The following PIP5K1C variants were observed in gnomAD, a reference collection of about 807,000 sequenced individuals.
PIP5K1C encodes the protein phosphatidylinositol-4-phosphate 5-kinase type 1 gamma, also known as phosphatidylinositol 4-phosphate 5-kinase type-1 gamma.
In PIP5K1C, 45 loss-of-function variants were observed where a neutral mutation model predicts 80.1. The observed-to-expected ratio is 0.56, with a 90% CI of 0.44 to 0.72. The LOEUF (loss-of-function observed/expected upper bound fraction) is 0.72, where lower values mean the gene tolerates loss of function less well. Among genes scored for constraint, PIP5K1C ranks in the 30% least tolerant of loss-of-function variants. PIP5K1C has a pLI of 0.00. For synonymous variants in PIP5K1C, 498 were observed against 420.1 expected (o/e 1.19, Z -2.27); for missense variants, 753 against 954.6 (o/e 0.79, Z 2.78).
rs758064326 is a variant in PIP5K1C at position 3,633,467 on chromosome 19, G to T, written c.1974C>A (p.Ala658=). ...CGCTCTCGCCGTCGGAGGCCGGGGGGGCCTGGGCGCTATAGTGGAGCGGGG... is the reference window on the plus strand; with the variant it reads ...CGCTCTCGCCGTCGGAGGCCGGGGGTGCCTGGGCGCTATAGTGGAGCGGGG... ...VYSPLHYSAQ[A]PPASDGESDT Residue 658 remains alanine (A), a synonymous_variant, in exon 17 of 18, where the codon GCC becomes GCA. Coordinates refer to ENST00000335312, the MANE Select transcript of PIP5K1C (RefSeq NM_012398.3). The T allele has an allele frequency of 2.6e-6, 4 of 1,510,216 alleles. No homozygotes were observed. Among genetic ancestry groups the T allele is most frequent in the South Asian group, 1.3e-5 (1 of 74,164 alleles). The allele number at this position is 1,510,216 out of a possible 1,614,324, so 93.6% of individuals were successfully genotyped here. A position where few individuals can be genotyped will look rare whatever the true frequency, so the allele number is the denominator to read the frequency against.
chr19:3,664,645 G>A (rs1232023265), intron 3 of PIP5K1C, among the ~76,000 whole-genome samples, 177 bp downstream of exon 3: 4 of 152,250 alleles, frequency 2.6e-5, no homozygotes, highest in Non-Finnish European at 4.4e-5. Context: ...ACAGCAAACA[G>A]TGGGGCCTCA....
chr19:3,675,675 T>C (rs2035335316), intron 1 of PIP5K1C, among the ~76,000 whole-genome samples: 1 of 152,152 alleles, frequency 6.6e-6, no homozygotes, highest in African/African-American at 2.4e-5. Flanking sequence ...TGTACCCACA[T>C]GCAAACGGCT....
intron 13 of PIP5K1C, 129 bp downstream of exon 13, chr19:3,643,114 A>T: frequency 6.7e-7 from 1 of 1,493,494 alleles, no homozygotes; most frequent in Non-Finnish European, 9.2e-7. Flanking sequence ...CATGCAGTGT[A>T]TGTACATCCA....
chr19:3,641,576 G>A, intron 15 of PIP5K1C, 129 bp downstream of exon 15: 4 of 729,806 alleles, frequency 5.5e-6, no homozygotes, highest in Non-Finnish European at 7.3e-6. Flanking sequence ...AAACTTATGG[G>A]AAAATCCACC....
In PIP5K1C at chr19:3,688,190, A is replaced by G. The variant is rs2035830153; in HGVS notation, c.94+12107T>C. Among the ~76,000 whole-genome samples, 2 of 152,180 alleles carry G rather than the reference A, an allele frequency of 1.3e-5. No homozygotes were observed. Among genetic ancestry groups the G allele is most frequent in the African/African-American group, 4.8e-5 (2 of 41,436 alleles). Reference sequence around the variant, plus strand: ...CCACCTCCTTGCGCGCTCCGTCTCCAGCACAGCAGAGGTGGACGCCCCTCG... The same window carrying G: ...CCACCTCCTTGCGCGCTCCGTCTCCGGCACAGCAGAGGTGGACGCCCCTCG... On this transcript the variant is annotated intron_variant, in intron 1 of 17. Transcript: ENST00000335312. The surrounding 1 kb of genome is among the most constrained non-coding windows in gnomAD (Gnocchi z 5.3).
intron 1 of PIP5K1C, among the ~76,000 whole-genome samples, chr19:3,678,583 G>C (rs2035483425): frequency 1.2e-5 from 1 of 86,716 alleles, no homozygotes; most frequent in Non-Finnish European, 2.4e-5. Context: ...GGGATGGAGG[G>C]ATAAAGGGAT....
intron 16 of PIP5K1C, among the ~76,000 whole-genome samples, chr19:3,634,450 C>A (rs1041249182): frequency 6.6e-6 from 1 of 152,192 alleles, no homozygotes; most frequent in Non-Finnish European, 1.5e-5. Flanking sequence ...AGATGACCTG[C>A]GAATTTCCAC....
Position 3,648,767 on chromosome 19 carries a change from C to T in PIP5K1C, c.1128-59G>A, listed in dbSNP as rs1419722379. ...CCGCAGAGCTGGGACTCGGGGCAGG[C>T]GGGGCTGGGGACTCCAGGGCTAGGG... On this transcript the variant is annotated intron_variant, in intron 8 of 17. Transcript: ENST00000335312. This position sits in a 1 kb window ranked among gnomAD's most constrained non-coding sequence, Gnocchi z 4.3. The T allele has an allele frequency of 1.5e-5, 22 of 1,481,492 alleles. No individual in the cohort carries two copies. The African/African-American group carries it at 2.4e-4, about 16-fold the overall frequency. 91.8% of individuals were successfully genotyped at this position (1,481,492 alleles called of 1,614,324 possible).
rs1417837256 is a variant in PIP5K1C at position 3,692,211 on chromosome 19, C to A, written c.94+8086G>T. Among the ~76,000 whole-genome samples, 1 of 152,166 alleles carries A rather than the reference C, an allele frequency of 6.6e-6. No individual in the cohort carries two copies. Among genetic ancestry groups the A allele is most frequent in the Non-Finnish European group, 1.5e-5 (1 of 68,026 alleles). On this transcript the variant is annotated intron_variant, in intron 1 of 17. Coordinates refer to ENST00000335312, the MANE Select transcript of PIP5K1C (RefSeq NM_012398.3). The surrounding 1 kb of genome is among the most constrained non-coding windows in gnomAD (Gnocchi z 5.2). The stretch of plus-strand genomic sequence containing the variant: ...GCACGGAGCGGCTGGGCAACCGAAC[C>A]CAATCATCTCAGCTGTCCTCCTGCC...
In PIP5K1C at chr19:3,656,576, G is replaced by T. The variant is rs373960932; in HGVS notation, c.469-19C>A. On this transcript the variant is annotated intron_variant, in intron 5 of 17. Coordinates refer to ENST00000335312, the MANE Select transcript of PIP5K1C (RefSeq NM_012398.3). ...GGGAGTACTGGAAGCAGAGGAGGCG[G>T]GTCAGCGGGCCCCAAGCTGCCGGAC... The T allele has an allele frequency of 2.8e-5, 45 of 1,612,670 alleles. No homozygotes were observed. Among genetic ancestry groups the T allele is most frequent in the Non-Finnish European group, 3.8e-5 (45 of 1,179,852 alleles).
At chr19:3,641,907 G>A in intron 14 of PIP5K1C, 98 bp from the exon 15 acceptor site, 1 of 932,874 alleles carries the variant, frequency 1.1e-6, no homozygotes, top group Non-Finnish European at 1.7e-6. Flanking sequence ...TCCCAGAGGG[G>A]AGTTGGGAGC....
At chr19:3,647,518 G>A in intron 9 of PIP5K1C, 132 bp from the exon 10 acceptor site, 1 of 791,826 alleles carries the variant, frequency 1.3e-6, no homozygotes, top group South Asian at 1.5e-5. Flanking sequence ...TCAAAACTCA[G>A]GGTGGCAGGT....
chr19:3,675,855 G>C (rs1030471535), intron 1 of PIP5K1C, among the ~76,000 whole-genome samples: 13 of 152,236 alleles, frequency 8.5e-5, no homozygotes, highest in African/African-American at 2.9e-4. Flanking sequence ...CCCCCCAGCT[G>C]TAACAACCAC....
At chr19:3,675,855 G>A (rs1030471535) in intron 1 of PIP5K1C, among the ~76,000 whole-genome samples, 4 of 152,236 alleles carry the variant, frequency 2.6e-5, no homozygotes, top group African/African-American at 7.2e-5. Flanking sequence ...CCCCCCAGCT[G>A]TAACAACCAC....
intron 1 of PIP5K1C, among the ~76,000 whole-genome samples, chr19:3,677,259 G>A (rs991310802): frequency 7.2e-5 from 11 of 152,072 alleles, no homozygotes; most frequent in African/African-American, 2.7e-4. Flanking sequence ...TAGAAAAAGA[G>A]AAAGGAATGA....
At chr19:3,667,223 G>A (rs2035041673) in intron 2 of PIP5K1C, 99 bp downstream of exon 2, 1 of 1,008,152 alleles carries the variant, frequency 9.9e-7, no homozygotes, top group African/African-American at 1.6e-5. Flanking sequence ...GCCCAGAGAG[G>A]TGTAGTGAGC....
At chr19:3,641,939 T>G (rs2033980019) in intron 14 of PIP5K1C, 130 bp from the exon 15 acceptor site, 1 of 745,622 alleles carries the variant, frequency 1.3e-6, no homozygotes, top group African/African-American at 1.7e-5. Context: ...GTCTGTTCTT[T>G]CTGGCTGTCA....
Position 3,632,704 on chromosome 19 carries a change from TCC to T in PIP5K1C, c.*461_*462del, listed in dbSNP as rs2033503963. On this transcript the variant is annotated 3_prime_UTR_variant, in exon 18 of 18. Transcript: ENST00000335312. ...GCAGAGTTGCTCGGGACCCCAGCCGTCCCCTCTGCAGGCCGATGGGGCCCCCG... is the reference window on the plus strand; with the variant it reads ...GCAGAGTTGCTCGGGACCCCAGCCGTCCTCTGCAGGCCGATGGGGCCCCCG... 6.0e-6 allele frequency: 1 copy of T among 165,546 alleles called. No individual in the cohort carries two copies. Among genetic ancestry groups the T allele is most frequent in the Admixed American group, 6.3e-5 (1 of 15,980 alleles). 10.3% of individuals were successfully genotyped at this position (165,546 alleles called of 1,614,324 possible).
chr19:3,660,931 CAAGCCTGG>C lies in PIP5K1C; in HGVS notation c.468+27_468+34del, dbSNP rs1025684837. 6 of 1,542,748 alleles carry C rather than the reference CAAGCCTGG, an allele frequency of 3.9e-6. No homozygotes were observed. In the African/African-American group the frequency reaches 8.2e-5, roughly 21 times the overall value. ...CCGAGACCCTGAACATGTTCTGTTT[CAAGCCTGG>C]AAGCCCGTAACAGCAAATATGCTTA... On this transcript the variant is annotated intron_variant, in intron 5 of 17. Coordinates refer to ENST00000335312, the MANE Select transcript of PIP5K1C (RefSeq NM_012398.3).
Sources: gnomAD v4.1 joint callset for allele counts (sites outside exome capture counted in the v4.1 genomes callset) on GRCh38, gnomAD v4.1.1 for gene constraint, Gnocchi (gnomAD v3.1) non-coding constraint, MANE v1.5 for transcripts, NCBI Gene and HGNC (gene_info 2026-07-23, HGNC 2026-07-21) for gene names.